The following CDH8 variants were observed in gnomAD, a reference collection of about 807,000 sequenced individuals.
CDH8 encodes the protein cadherin 8.
CDH8 carries 17 observed loss-of-function variants against 68.1 expected under a neutral mutation model. That is an observed-to-expected ratio of 0.25 (90% confidence interval 0.17 to 0.37). The LOEUF (loss-of-function observed/expected upper bound fraction) is 0.37. Ranked by LOEUF, CDH8 falls within the 10% of genes least tolerant of loss-of-function variation. CDH8 has a pLI of 1.00. For missense variants in CDH8, 763 were observed against 999.3 expected (o/e 0.76, Z 3.19); for synonymous variants, 372 against 365.1 (o/e 1.02, Z -0.21).
At chr16:61,719,437 A>C (rs1029281621) in intron 9 of CDH8, among the ~76,000 whole-genome samples, 1 of 151,036 alleles carries the variant, frequency 6.6e-6, no homozygotes, top group African/African-American at 2.4e-5. Context: ...GCGTCTATAC[A>C]AAGTTTGGAT....
chr16:61,968,783 G>A lies in CDH8; in HGVS notation c.252+52369C>T, dbSNP rs187764076. Among the ~76,000 whole-genome samples, 491 of 152,238 alleles carry A rather than the reference G, an allele frequency of 3.2e-3. 4 individuals carry two copies. Among genetic ancestry groups the A allele is most frequent in the Non-Finnish European group, 1.5e-3 (103 of 68,014 alleles). ...TTTCACTCACATTCCAATTCTAAGC[G>A]GCAGGAGGGAGTTTGCCGATCACAA... On this transcript the variant is annotated intron_variant, in intron 2 of 11. Coordinates refer to ENST00000577390, the MANE Select transcript of CDH8 (RefSeq NM_001796.5).
intron 4 of CDH8, among the ~76,000 whole-genome samples, chr16:61,854,555 C>T (rs202147879): frequency 6.6e-6 from 1 of 152,042 alleles, no homozygotes; most frequent in South Asian, 2.1e-4. Flanking sequence ...CAGTCATAAG[C>T]CCCTAATAAG....
At chr16:61,788,491 A>G (rs1450783427) in intron 8 of CDH8, among the ~76,000 whole-genome samples, 1 of 152,118 alleles carries the variant, frequency 6.6e-6, no homozygotes, top group Non-Finnish European at 1.5e-5. Context: ...CTTTATAGAA[A>G]GAAGCTATTC....
intron 8 of CDH8, among the ~76,000 whole-genome samples, chr16:61,775,518 A>T (rs1342385430): frequency 6.6e-6 from 1 of 152,060 alleles, no homozygotes; most frequent in Non-Finnish European, 1.5e-5. Flanking sequence ...TAGCCCTTCT[A>T]CCCACTCTTG....
intron 10 of CDH8, among the ~76,000 whole-genome samples, chr16:61,700,277 T>C (rs1964398184): frequency 6.6e-6 from 1 of 150,788 alleles, no homozygotes; most frequent in East Asian, 1.9e-4. Context: ...TATTTTTAGT[T>C]GTTTTTTTTT....
intron 11 of CDH8, among the ~76,000 whole-genome samples, chr16:61,654,739 C>G: frequency 6.6e-6 from 1 of 152,122 alleles, no homozygotes; most frequent in Non-Finnish European, 1.5e-5. Context: ...AATATGTCAT[C>G]AAAGTGATGC....
Position 61,929,156 on chromosome 16 carries a change from G to A in CDH8, c.253-27683C>T, listed in dbSNP as rs1051590600. Among the ~76,000 whole-genome samples, 5 of 152,098 alleles carry A rather than the reference G, an allele frequency of 3.3e-5. No homozygotes were observed. In the East Asian group the frequency reaches 5.8e-4, roughly 18 times the overall value. ...GATCTCCTGACCTCATGATCTGCCC[G>A]CTTCAGCCTCCCAAAGTGCTGGGAT... On this transcript the variant is annotated intron_variant, in intron 2 of 11. Transcript: ENST00000577390.
chr16:61,674,096 C>T (rs1963848069), intron 10 of CDH8, among the ~76,000 whole-genome samples: 1 of 152,086 alleles, frequency 6.6e-6, no homozygotes, highest in African/African-American at 2.4e-5. Flanking sequence ...TCACCTAATA[C>T]ATAAGTCATT....
Position 61,653,933 on chromosome 16 carries a change from T to C in CDH8, c.2075A>G (p.Asn692Ser), listed in dbSNP as rs1219778012. 6.2e-7 allele frequency: 1 copy of C among 1,614,198 alleles called. No individual in the cohort carries two copies. Among genetic ancestry groups the C allele is most frequent in the Admixed American group, 1.7e-5 (1 of 60,026 alleles). Reference protein sequence around the residue: ...IATLQNPDGINGFLPRKDIKP... With the variant: ...IATLQNPDGISGFLPRKDIKP... ...AATATCCTTACGGGGTAAAAATCCA[T>C]TAATTCCATCTGGATTTTGTAAAGT... The change falls in exon 12 of 12, where the codon AAT becomes AGT. Residue 692 changes from asparagine (N) to serine (S), a missense_variant. Physicochemically the swap from Asn to Ser is conservative, Grantham distance 46. Coordinates refer to ENST00000577390, the MANE Select transcript of CDH8 (RefSeq NM_001796.5).
chr16:61,885,442 T>G lies in CDH8; in HGVS notation c.547+15737A>C, dbSNP rs374423899. Among the ~76,000 whole-genome samples, 5 of 152,298 alleles carry G rather than the reference T, an allele frequency of 3.3e-5. No individual in the cohort carries two copies. In the East Asian group the frequency reaches 9.7e-4, roughly 29 times the overall value. Reference sequence around the variant, plus strand: ...CATGAGAAATCTAGGTTACTAATGTTCTTAGTGCTAGATTCACATCACATG... The same window carrying G: ...CATGAGAAATCTAGGTTACTAATGTGCTTAGTGCTAGATTCACATCACATG... On this transcript the variant is annotated intron_variant, in intron 3 of 11. Transcript: ENST00000577390.
At chr16:61,668,091 A>G (rs1446853675) in intron 10 of CDH8, among the ~76,000 whole-genome samples, 1 of 152,050 alleles carries the variant, frequency 6.6e-6, no homozygotes, top group Non-Finnish European at 1.5e-5. Context: ...ACTGGTGGAC[A>G]AGAGTATAGT....
At chr16:61,740,938 C>T (rs1417678379) in intron 8 of CDH8, among the ~76,000 whole-genome samples, 1 of 152,110 alleles carries the variant, frequency 6.6e-6, no homozygotes, top group Admixed American at 6.6e-5. Flanking sequence ...GTCATGCATA[C>T]ATTCAGCTTT....
At chr16:61,762,089 C>T (rs931156750) in intron 8 of CDH8, among the ~76,000 whole-genome samples, 2 of 152,004 alleles carry the variant, frequency 1.3e-5, no homozygotes, top group African/African-American at 2.4e-5. Flanking sequence ...GGTGAGGCTC[C>T]GGAGGTAGGC....
intron 7 of CDH8, among the ~76,000 whole-genome samples, chr16:61,809,794 G>A (rs149082909): frequency 2.0e-5 from 3 of 152,214 alleles, no homozygotes; most frequent in African/African-American, 7.2e-5. Flanking sequence ...AAAACACAAG[G>A]TTCCAAAATC....
rs373683511 is a variant in CDH8, at chr16:61,686,757, G to A, written c.1654+27084C>T. Among the ~76,000 whole-genome samples, 3 of 151,922 alleles carry A rather than the reference G, an allele frequency of 2.0e-5. No individual in the cohort carries two copies. The East Asian group carries it at 5.8e-4, about 29-fold the overall frequency. ...GCAGCTAGAAACCCTGACAGAGCTG[G>A]GTTTTGTGTTTCTTTATATTTATTT... On this transcript the variant is annotated intron_variant, in intron 10 of 11. Transcript: ENST00000577390.
At chr16:61,753,548 A>G (rs1346133686) in intron 8 of CDH8, among the ~76,000 whole-genome samples, 1 of 152,162 alleles carries the variant, frequency 6.6e-6, no homozygotes, top group Non-Finnish European at 1.5e-5. Flanking sequence ...CTGATACTTG[A>G]CATTTCTAAT....
chr16:61,680,406 T>C (rs1963990344), intron 10 of CDH8, among the ~76,000 whole-genome samples: 1 of 151,840 alleles, frequency 6.6e-6, no homozygotes, highest in African/African-American at 2.4e-5. Context: ...ATGCCGATTC[T>C]AATACACGCC....
At chr16:61,784,889 C>G (rs1961195962) in intron 8 of CDH8, among the ~76,000 whole-genome samples, 1 of 152,130 alleles carries the variant, frequency 6.6e-6, no homozygotes, top group Non-Finnish European at 1.5e-5. Context: ...TTAAAACCAA[C>G]TAGAACAAAG....
chr16:61,987,659 G>T (rs1368576046), intron 2 of CDH8, among the ~76,000 whole-genome samples: 1 of 151,892 alleles, frequency 6.6e-6, no homozygotes, highest in African/African-American at 2.4e-5. Context: ...TGATTTCATA[G>T]TCTCATACTT....
Sources: gnomAD v4.1 joint callset for allele counts (sites outside exome capture counted in the v4.1 genomes callset) on GRCh38, gnomAD v4.1.1 for gene constraint, MANE v1.5 for transcripts, NCBI Gene and HGNC (gene_info 2026-07-23, HGNC 2026-07-21) for gene names.